PPP2R2B: variants seen among roughly 807,000 people sequenced by gnomAD.
The protein encoded by PPP2R2B is serine/threonine-protein phosphatase 2A 55 kDa regulatory subunit B beta isoform.
In PPP2R2B, 5 loss-of-function variants were observed where a neutral mutation model predicts 46.0. The ratio of observed to expected loss-of-function variants is 0.11; its 90% confidence interval spans 0.06 to 0.23. PPP2R2B has a LOEUF of 0.23. Among genes scored for constraint, PPP2R2B ranks in the 10% least tolerant of loss-of-function variants. PPP2R2B has a pLI of 1.00. For missense variants in PPP2R2B, 367 were observed against 575.0 expected (o/e 0.64, Z 3.70); for synonymous variants, 215 against 206.7 (o/e 1.04, Z -0.34).
chr5:146,946,782 G>A (rs1216803967), intron 1 of PPP2R2B, among the ~76,000 whole-genome samples: 2 of 152,064 alleles, frequency 1.3e-5, no homozygotes, highest in African/African-American at 2.4e-5. Context: ...GGAGGCCGAA[G>A]CCATTACAGA....
chr5:146,972,333 G>T (rs1257921079), intron 1 of PPP2R2B, among the ~76,000 whole-genome samples: 1 of 152,210 alleles, frequency 6.6e-6, no homozygotes, highest in African/African-American at 2.4e-5. Flanking sequence ...GTGTTTGCCA[G>T]ATGTGTTCAT....
intron 1 of PPP2R2B, among the ~76,000 whole-genome samples, chr5:146,893,905 G>A (rs890659582): frequency 2.6e-4 from 38 of 147,252 alleles, no homozygotes; most frequent in African/African-American, 9.2e-4. Context: ...AAAAAGCCGG[G>A]CATGGTGATG....
chr5:146,923,817 A>T (rs1763690742), intron 1 of PPP2R2B, among the ~76,000 whole-genome samples: 1 of 152,146 alleles, frequency 6.6e-6, no homozygotes, highest in Non-Finnish European at 1.5e-5. Context: ...CATGAAATCC[A>T]CCCAAAGGCC....
chr5:146,688,417 A>C (rs1382495103), intron 5 of PPP2R2B, among the ~76,000 whole-genome samples: 1 of 151,856 alleles, frequency 6.6e-6, no homozygotes, highest in Non-Finnish European at 1.5e-5. Flanking sequence ...AGTGTTGAAA[A>C]TGCAGATTCC....
chr5:146,757,010 T>C (rs1387422479), intron 2 of PPP2R2B, among the ~76,000 whole-genome samples: 2 of 152,166 alleles, frequency 1.3e-5, no homozygotes, highest in Non-Finnish European at 2.9e-5. Context: ...AATGAAGCTC[T>C]GAGTGAGAGT....
chr5:146,822,075 T>C (rs554793795), intron 2 of PPP2R2B, among the ~76,000 whole-genome samples: 24 of 152,316 alleles, frequency 1.6e-4, no homozygotes, highest in African/African-American at 5.8e-4. Context: ...CATCTAAAAA[T>C]GATATAGCTG....
intron 2 of PPP2R2B, chr5:146,707,058 C>T: frequency 8.6e-7 from 1 of 1,164,538 alleles, no homozygotes; most frequent in Non-Finnish European, 1.3e-6. Context: ...TCTCTGTACT[C>T]TTATTGATCT....
At chr5:146,716,778 T>C (rs1052168143) in intron 2 of PPP2R2B, among the ~76,000 whole-genome samples, 7 of 152,200 alleles carry the variant, frequency 4.6e-5, no homozygotes, top group African/African-American at 1.7e-4. Context: ...AAGGACAGTT[T>C]ACATTTAAAA....
chr5:146,653,621 A>G (rs1343665119), intron 5 of PPP2R2B, among the ~76,000 whole-genome samples: 2 of 152,088 alleles, frequency 1.3e-5, no homozygotes, highest in Admixed American at 6.5e-5. Flanking sequence ...GTTACCGTGC[A>G]TTGTCTGCAG....
intron 2 of PPP2R2B, among the ~76,000 whole-genome samples, chr5:147,069,065 G>C (rs1483352908): frequency 6.6e-6 from 1 of 152,134 alleles, no homozygotes; most frequent in Non-Finnish European, 1.5e-5. Flanking sequence ...TTAACTATAA[G>C]CTGAAAGGAC....
At chr5:146,620,090 A>G (rs1213262564) in intron 7 of PPP2R2B, among the ~76,000 whole-genome samples, 1 of 152,088 alleles carries the variant, frequency 6.6e-6, no homozygotes, top group Non-Finnish European at 1.5e-5. Flanking sequence ...GCTTGGAGAG[A>G]TAGGGACCCA....
chr5:146,914,707 A>G (rs1009768531), intron 1 of PPP2R2B, among the ~76,000 whole-genome samples: 3 of 152,190 alleles, frequency 2.0e-5, no homozygotes, highest in Admixed American at 1.3e-4. Flanking sequence ...AATAAAGGTC[A>G]TATGTTGATG....
chr5:146,752,526 A>G (rs975711885), intron 2 of PPP2R2B, among the ~76,000 whole-genome samples: 1 of 152,210 alleles, frequency 6.6e-6, no homozygotes, highest in African/African-American at 2.4e-5. Flanking sequence ...ACCTAAGAGA[A>G]TAAGTGCCAT....
At chr5:146,664,777 C>T (rs560397190) in intron 5 of PPP2R2B, among the ~76,000 whole-genome samples, 29 of 152,254 alleles carry the variant, frequency 1.9e-4, no homozygotes, top group South Asian at 6.2e-4. Flanking sequence ...CCTTTCAAAA[C>T]GTATTTCTCA....
At chr5:146,745,334 G>T (rs1192865911) in intron 2 of PPP2R2B, among the ~76,000 whole-genome samples, 1 of 152,104 alleles carries the variant, frequency 6.6e-6, no homozygotes, top group East Asian at 1.9e-4. Flanking sequence ...AAATGTGGCA[G>T]GATTTCAATC....
At chr5:146,707,403 C>G (rs1229374911) in intron 2 of PPP2R2B, 1 of 780,724 alleles carries the variant, frequency 1.3e-6, no homozygotes, top group Non-Finnish European at 2.4e-6. Context: ...TCAGCAGGCT[C>G]TGGTTGACTG....
At position 146,669,157 on chromosome 5, in the gene PPP2R2B, TTTAG is replaced by T. The variant is rs543752867; in HGVS notation, c.448-18437_448-18434del. Among the ~76,000 whole-genome samples the T allele has an allele frequency of 1.3e-4, 20 of 152,316 alleles. No homozygotes were observed. In the East Asian group the frequency reaches 3.9e-3, roughly 29 times the overall value. ...TGACTTCCACCTATTTTACATTCTA[TTTAG>T]TATTTATTTTGCCTCTAATCTAGGA... is the stretch of plus-strand genomic sequence containing the variant. On this transcript the variant is annotated intron_variant, in intron 5 of 9. Coordinates refer to ENST00000394411, the MANE Select transcript of PPP2R2B (RefSeq NM_181675.4).
At chr5:146,939,555 A>G (rs1317534322) in intron 1 of PPP2R2B, among the ~76,000 whole-genome samples, 1 of 152,216 alleles carries the variant, frequency 6.6e-6, no homozygotes, top group Non-Finnish European at 1.5e-5. Context: ...TTTTTCTAAA[A>G]GACAAACTTT....
intron 5 of PPP2R2B, among the ~76,000 whole-genome samples, chr5:146,678,295 A>G (rs375442716): frequency 5.3e-4 from 81 of 151,666 alleles, no homozygotes; most frequent in East Asian, 3.3e-3. Flanking sequence ...CAAAAACCAC[A>G]TGCTTATCTC....
Sources: gnomAD v4.1 joint callset for allele counts (sites outside exome capture counted in the v4.1 genomes callset) on GRCh38, gnomAD v4.1.1 for gene constraint, MANE v1.5 for transcripts, NCBI Gene and HGNC (gene_info 2026-07-23, HGNC 2026-07-21) for gene names.